Variants in TMEM117 observed in about 807,000 individuals in gnomAD.
The protein encoded by TMEM117 is transmembrane protein 117.
Under a neutral mutation model 52.4 loss-of-function variants are expected in TMEM117, and 27 were observed. That is an observed-to-expected ratio of 0.51 (90% CI 0.38 to 0.71). TMEM117 has a LOEUF of 0.71. Among genes scored for constraint, TMEM117 ranks in the 30% least tolerant of loss-of-function variants. The probability of loss-of-function intolerance (pLI) is 0.00; values close to 1 mark genes in which losing one functional copy is unlikely to be tolerated. For synonymous variants in TMEM117, 215 were observed against 206.3 expected (o/e 1.04, Z -0.36); for missense variants, 556 against 630.5 (o/e 0.88, Z 1.26).
chr12:43,915,839 CTTTT>C (rs778361968), intron 2 of TMEM117, among the ~76,000 whole-genome samples: 1 of 152,060 alleles, frequency 6.6e-6, no homozygotes, highest in Non-Finnish European at 1.5e-5. Context: ...TAAGGGAACA[CTTTT>C]TTTATTTTTA....
At chr12:43,873,615 A>C (rs1437160160) in intron 2 of TMEM117, among the ~76,000 whole-genome samples, 2 of 152,158 alleles carry the variant, frequency 1.3e-5, no homozygotes, top group African/African-American at 4.8e-5. Context: ...AAAAAAAGAA[A>C]ACTGTACTCA....
intron 4 of TMEM117, among the ~76,000 whole-genome samples, chr12:44,160,682 G>T (rs1948886733): frequency 6.6e-6 from 1 of 151,942 alleles, no homozygotes; most frequent in Admixed American, 6.6e-5. Flanking sequence ...CATACCTGTA[G>T]TCCTAGCTAC....
chr12:44,203,095 TTTGTTG>T lies in TMEM117; in HGVS notation c.511-8174_511-8169del, dbSNP rs58933565. ...CAGGGGTGAGCCACCACACATGGCC[TTTGTTG>T]TTGTTGTTGTTGTTGTTGTTACTGA... On this transcript the variant is annotated intron_variant, in intron 4 of 7. Transcript: ENST00000266534. Among the ~76,000 whole-genome samples the T allele has an allele frequency of 4.0e-5, 6 of 151,500 alleles. No homozygotes were observed. In the South Asian group the frequency reaches 6.3e-4, roughly 16 times the overall value.
At chr12:44,209,688 T>G (rs1949619953) in intron 4 of TMEM117, among the ~76,000 whole-genome samples, 1 of 152,134 alleles carries the variant, frequency 6.6e-6, no homozygotes, top group African/African-American at 2.4e-5. Context: ...TGAAGGGGAA[T>G]GGACTAACTT....
At chr12:43,989,965 A>AT (rs1369244685) in intron 3 of TMEM117, among the ~76,000 whole-genome samples, 1 of 152,090 alleles carries the variant, frequency 6.6e-6, no homozygotes, top group Admixed American at 6.6e-5. Flanking sequence ...CAGTGACTGT[A>AT]TTATCTACTA....
At chr12:44,331,516 G>A (rs1951270260) in intron 6 of TMEM117, among the ~76,000 whole-genome samples, 1 of 152,010 alleles carries the variant, frequency 6.6e-6, no homozygotes, top group Admixed American at 6.6e-5. Flanking sequence ...GAGTTAAAGA[G>A]CTTTCAAGTG....
At chr12:44,222,202 C>T (rs1207145602) in intron 5 of TMEM117, among the ~76,000 whole-genome samples, 1 of 152,138 alleles carries the variant, frequency 6.6e-6, no homozygotes, top group Non-Finnish European at 1.5e-5. Flanking sequence ...CCTACCCCTC[C>T]CTTCAGGTCC....
At chr12:44,382,521 C>G (rs17094571) in intron 7 of TMEM117, among the ~76,000 whole-genome samples, 2,834 of 152,250 alleles carry the variant, frequency 0.019, 94 homozygotes, top group African/African-American at 0.064. Context: ...TAATATGTGT[C>G]AAAAACTAGT....
intron 6 of TMEM117, among the ~76,000 whole-genome samples, chr12:44,356,648 G>A (rs532136548): frequency 6.6e-6 from 1 of 152,036 alleles, no homozygotes; most frequent in African/African-American, 2.4e-5. Context: ...TGTTAATGAT[G>A]TCACCATCCC....
chr12:43,820,158 C>G, the TMEM117 span, among the ~76,000 whole-genome samples: 3 of 152,068 alleles, frequency 2.0e-5, no homozygotes, highest in South Asian at 2.1e-4. Context: ...AGTGCTGTGG[C>G]GCAACCTCGG....
At chr12:44,098,217 T>C (rs1300692927) in intron 3 of TMEM117, among the ~76,000 whole-genome samples, 1 of 152,100 alleles carries the variant, frequency 6.6e-6, no homozygotes, top group African/African-American at 2.4e-5. Flanking sequence ...GCTATAGTGA[T>C]GAACAAGACA....
intron 2 of TMEM117, among the ~76,000 whole-genome samples, chr12:43,929,871 A>G (rs1944843662): frequency 6.6e-6 from 1 of 152,146 alleles, no homozygotes; most frequent in Non-Finnish European, 1.5e-5. Flanking sequence ...CAATCTTTGC[A>G]CCATCACTGA....
chr12:44,085,488 T>G (rs1947551880), intron 3 of TMEM117, among the ~76,000 whole-genome samples: 1 of 152,242 alleles, frequency 6.6e-6, no homozygotes, highest in Non-Finnish European at 1.5e-5. Flanking sequence ...TCTGGTTTGC[T>G]ATCACTAAAT....
chr12:44,015,886 G>T (rs768955539), intron 3 of TMEM117, among the ~76,000 whole-genome samples: 1 of 152,148 alleles, frequency 6.6e-6, no homozygotes, highest in East Asian at 1.9e-4. Flanking sequence ...AACTCATTTA[G>T]ATATAATGGG....
intron 2 of TMEM117, among the ~76,000 whole-genome samples, chr12:43,870,439 A>G (rs537266261): frequency 6.6e-6 from 1 of 151,888 alleles, no homozygotes; most frequent in African/African-American, 2.4e-5. Context: ...TTGTATTTTT[A>G]GTAGAGACGG....
chr12:44,016,301 C>T (rs1202759629), intron 3 of TMEM117, among the ~76,000 whole-genome samples: 1 of 152,186 alleles, frequency 6.6e-6, no homozygotes, highest in Non-Finnish European at 1.5e-5. Context: ...AGCCATTCCT[C>T]CTAGTTCCAA....
At chr12:44,226,712 A>T (rs1485560671) in intron 5 of TMEM117, among the ~76,000 whole-genome samples, 1 of 152,106 alleles carries the variant, frequency 6.6e-6, no homozygotes, top group Non-Finnish European at 1.5e-5. Context: ...AGGTGAAATT[A>T]GGATACAGAC....
intron 3 of TMEM117, among the ~76,000 whole-genome samples, chr12:44,081,340 C>A (rs1477232663): frequency 6.6e-6 from 1 of 152,108 alleles, no homozygotes; most frequent in African/African-American, 2.4e-5. Context: ...GAATCACAAA[C>A]TATATTTGTG....
intron 7 of TMEM117, 105 bp downstream of exon 7, chr12:44,376,829 A>G (rs751059306): frequency 8.1e-7 from 1 of 1,233,286 alleles, no homozygotes; most frequent in Non-Finnish European, 1.1e-6. Context: ...CATAAATACA[A>G]TGTTATTTCT....
Sources: allele counts gnomAD v4.1 joint callset (sites outside exome capture counted in the v4.1 genomes callset), GRCh38; gene constraint gnomAD v4.1.1; transcripts MANE v1.5; gene names NCBI Gene and HGNC (gene_info 2026-07-23, HGNC 2026-07-21).